WDTC1: variants seen among roughly 807,000 people sequenced by gnomAD.
WDTC1 encodes WD and tetratricopeptide repeats 1, also known as WD and tetratricopeptide repeats protein 1.
Under a neutral mutation model 76.0 loss-of-function variants are expected in WDTC1, and 12 were observed. The ratio of observed to expected loss-of-function variants is 0.16; its 90% confidence interval spans 0.10 to 0.26. The LOEUF is 0.26. Among genes scored for constraint, WDTC1 ranks in the 10% least tolerant of loss-of-function variants. The pLI is 1.00. For synonymous variants in WDTC1, 326 were observed against 350.8 expected (o/e 0.93, Z 0.79); for missense variants, 511 against 908.8 (o/e 0.56, Z 5.63).
chr1:27,255,564 A>G (rs1019195599), intron 1 of WDTC1: 9 of 152,170 alleles, frequency 5.9e-5, no homozygotes, highest in African/African-American at 2.2e-4. Context: ...CCTTTGGACC[A>G]GCCCGTAAAA....
chr1:27,255,190 A>G lies in WDTC1; in HGVS notation c.-99-5766A>G, dbSNP rs553380762. Among the ~76,000 whole-genome samples the G allele has an allele frequency of 8.5e-4, 129 of 152,172 alleles. 2 individuals are homozygous for G. The highest frequency in any genetic ancestry group is 1.6e-3 in the Admixed American group (24 of 15,268). Reference sequence around the variant, plus strand: ...TCACAGTGCTTGGTGCTAGGTAAATACCCCATTAACATTTTAAGAAAATTA... The same window carrying G: ...TCACAGTGCTTGGTGCTAGGTAAATGCCCCATTAACATTTTAAGAAAATTA... On this transcript the variant is annotated intron_variant, in intron 1 of 15. Transcript: ENST00000319394.
intron 1 of WDTC1, among the ~76,000 whole-genome samples, 164 bp from the exon 2 acceptor site, chr1:27,260,792 C>A (rs1286695328): frequency 6.6e-6 from 1 of 152,198 alleles, no homozygotes; most frequent in Non-Finnish European, 1.5e-5. Flanking sequence ...ACCCACTTCA[C>A]CCATTCCAGA....
At chr1:27,261,875 A>T (rs1570951885) in intron 2 of WDTC1, among the ~76,000 whole-genome samples, 1 of 152,224 alleles carries the variant, frequency 6.6e-6, no homozygotes, top group East Asian at 1.9e-4. Context: ...AATCTGAATG[A>T]GCTTGAGAAA....
intron 11 of WDTC1, among the ~76,000 whole-genome samples, 153 bp from the exon 12 acceptor site, chr1:27,297,785 T>C (rs1352561562): frequency 6.6e-6 from 1 of 152,152 alleles, no homozygotes; most frequent in Non-Finnish European, 1.5e-5. Flanking sequence ...ATAGGTAATA[T>C]CCCAGACCAG....
At chr1:27,278,370 T>A (rs12566737) in intron 3 of WDTC1, among the ~76,000 whole-genome samples, 1,928 of 152,298 alleles carry the variant, frequency 0.013, 23 homozygotes, top group East Asian at 0.024. Context: ...AGTAAACTCA[T>A]GCTTTGAAGT....
In WDTC1 at chr1:27,301,925, G is replaced by A. The variant is rs979615172; in HGVS notation, c.1468+464G>A. Among the ~76,000 whole-genome samples the A allele has an allele frequency of 2.6e-5, 4 of 152,272 alleles. No individual in the cohort carries two copies. Among genetic ancestry groups the A allele is most frequent in the African/African-American group, 9.6e-5 (4 of 41,566 alleles). ...CCTCAGGCTTGGAATGTGGGGCCTC[G>A]GTTCCAAATGCAGCTCCACCACCTG... is the stretch of plus-strand genomic sequence containing the variant. On this transcript the variant is annotated intron_variant, in intron 13 of 15. Transcript: ENST00000319394. This position sits in a 1 kb window ranked among gnomAD's most constrained non-coding sequence, Gnocchi z 5.8.
At position 27,301,179 on chromosome 1, in the gene WDTC1, C is replaced by T; in HGVS notation, c.1233-47C>T. ...GAGGAGACTGAATGGGGACCCCTTG[C>T]TTGCCACGTGGCTCCACCTCCAAGC... On this transcript the variant is annotated intron_variant, in intron 12 of 15. Transcript: ENST00000319394. This position sits in a 1 kb window ranked among gnomAD's most constrained non-coding sequence, Gnocchi z 5.8. The T allele has an allele frequency of 1.9e-6, 3 of 1,583,322 alleles. No individual in the cohort carries two copies. Among genetic ancestry groups the T allele is most frequent in the Middle Eastern group, 1.7e-4 (1 of 5,830 alleles).
intron 8 of WDTC1, 24 bp downstream of exon 8, chr1:27,294,140 C>T (rs1480059656): frequency 1.2e-6 from 2 of 1,608,636 alleles, no homozygotes. Context: ...CAGCTCTGGC[C>T]CCAAACTCTC....
intron 1 of WDTC1, among the ~76,000 whole-genome samples, chr1:27,246,703 A>G (rs2011845589): frequency 1.3e-5 from 2 of 152,046 alleles, no homozygotes; most frequent in Non-Finnish European, 1.5e-5. Flanking sequence ...CTGGGATTAC[A>G]GGTGCCCGCC....
intron 3 of WDTC1, among the ~76,000 whole-genome samples, chr1:27,270,013 G>A (rs1454082550): frequency 6.6e-6 from 1 of 151,554 alleles, no homozygotes; most frequent in Non-Finnish European, 1.5e-5. Flanking sequence ...CATGGCTCAC[G>A]ATAGCCTTGA....
chr1:27,246,514 A>G (rs1255801371), intron 1 of WDTC1, among the ~76,000 whole-genome samples: 2 of 151,890 alleles, frequency 1.3e-5, no homozygotes, highest in Non-Finnish European at 2.9e-5. Flanking sequence ...ATTATGAATA[A>G]TGCTGCTCTG....
chr1:27,296,519 C>A, intron 10 of WDTC1, 118 bp downstream of exon 10: 1 of 1,080,168 alleles, frequency 9.3e-7, no homozygotes, highest in Non-Finnish European at 1.4e-6. Flanking sequence ...AATAGCAGAT[C>A]TCTGAAATAA....
chr1:27,292,856 G>A (rs1453311990), intron 7 of WDTC1, among the ~76,000 whole-genome samples: 1 of 149,368 alleles, frequency 6.7e-6, no homozygotes, highest in East Asian at 2.0e-4. Context: ...CTGCCTCCCG[G>A]GTTCAAGCTG....
chr1:27,258,534 A>AAAG (rs1001902064), intron 1 of WDTC1, among the ~76,000 whole-genome samples: 1 of 151,226 alleles, frequency 6.6e-6, no homozygotes, highest in African/African-American at 2.4e-5. Context: ...TCTGCCAAAA[A>AAAG]AAAAAAAGAA....
intron 3 of WDTC1, among the ~76,000 whole-genome samples, chr1:27,268,625 G>C (rs577051816): frequency 6.6e-6 from 1 of 151,860 alleles, no homozygotes; most frequent in African/African-American, 2.4e-5. Context: ...CACCATGTTG[G>C]TCAGGCTGGT....
chr1:27,239,778 TCC>T (rs2011573834), intron 1 of WDTC1, among the ~76,000 whole-genome samples: 1 of 128,360 alleles, frequency 7.8e-6, no homozygotes, highest in Non-Finnish European at 1.6e-5. Flanking sequence ...TCGTGTGCAC[TCC>T]AGCCTGGGGG....
At chr1:27,299,815 G>A (rs1044814575) in intron 12 of WDTC1, among the ~76,000 whole-genome samples, 3 of 152,042 alleles carry the variant, frequency 2.0e-5, no homozygotes, top group African/African-American at 7.2e-5. Flanking sequence ...GTGAGCCCTG[G>A]GGCCAGCCTG....
At chr1:27,289,437 C>T (rs1194596358) in intron 6 of WDTC1, among the ~76,000 whole-genome samples, 1 of 150,866 alleles carries the variant, frequency 6.6e-6, no homozygotes, top group African/African-American at 2.4e-5. Flanking sequence ...GGCGGCCGGG[C>T]AGAGACGCTC....
chr1:27,244,573 C>T (rs139344200), intron 1 of WDTC1, among the ~76,000 whole-genome samples: 43 of 152,264 alleles, frequency 2.8e-4, no homozygotes, highest in African/African-American at 8.7e-4. Context: ...CTCGACCTCC[C>T]GGCCTTCAAG....
Sources: gnomAD v4.1 joint callset for allele counts (sites outside exome capture counted in the v4.1 genomes callset) on GRCh38, gnomAD v4.1.1 for gene constraint, Gnocchi (gnomAD v3.1) non-coding constraint, MANE v1.5 for transcripts, NCBI Gene and HGNC (gene_info 2026-07-23, HGNC 2026-07-21) for gene names.